The following RBFOX1 variants were observed in gnomAD, a reference collection of about 807,000 sequenced individuals.
RBFOX1 encodes the protein RNA binding fox-1 homolog 1.
In RBFOX1, 8 loss-of-function variants were observed where a neutral mutation model predicts 57.7. The observed-to-expected ratio is 0.14, with a 90% CI of 0.08 to 0.25. The LOEUF (loss-of-function observed/expected upper bound fraction) is 0.25. Among genes scored for constraint, RBFOX1 ranks in the 10% least tolerant of loss-of-function variants. RBFOX1 has a pLI of 1.00. For synonymous variants in RBFOX1, 326 were observed against 222.4 expected (o/e 1.47, Z -4.15); for missense variants, 611 against 548.5 (o/e 1.11, Z -1.14).
chr16:5,706,800 G>T (rs966423861), intron 3 of RBFOX1, among the ~76,000 whole-genome samples: 2 of 152,040 alleles, frequency 1.3e-5, no homozygotes, highest in Admixed American at 6.6e-5. Context: ...TTAATGTTCT[G>T]TGAGAGTGGG....
At chr16:6,155,943 A>G (rs2096835442) in intron 1 of RBFOX1, among the ~76,000 whole-genome samples, 1 of 152,182 alleles carries the variant, frequency 6.6e-6, no homozygotes, top group Non-Finnish European at 1.5e-5. Context: ...CACTCTGATA[A>G]GTGCTTAACC....
chr16:6,966,777 ATC>A (rs1242833315), intron 3 of RBFOX1, among the ~76,000 whole-genome samples: 3 of 24,698 alleles, frequency 1.2e-4, no homozygotes, highest in African/African-American at 2.9e-4. Flanking sequence ...CTATCTATCT[ATC>A]TATCTATCTA....
intron 2 of RBFOX1, among the ~76,000 whole-genome samples, chr16:6,413,197 T>C (rs2093518536): frequency 6.6e-6 from 1 of 151,644 alleles, no homozygotes; most frequent in Non-Finnish European, 1.5e-5. Flanking sequence ...CACATGCCTG[T>C]AATCCCAGAG....
intron 4 of RBFOX1, among the ~76,000 whole-genome samples, chr16:7,064,608 G>T (rs7185545): frequency 0.81 from 123,870 of 151,998 alleles, 51,105 homozygotes; most frequent in African/African-American, 0.94. Context: ...CACCTGAGTC[G>T]CAGACTTCTG....
At chr16:6,050,529 G>T (rs75887625) in intron 1 of RBFOX1, among the ~76,000 whole-genome samples, 27 of 152,200 alleles carry the variant, frequency 1.8e-4, no homozygotes, top group African/African-American at 6.5e-4. Context: ...TTGATCGATT[G>T]TCTCCCTTTT....
intron 3 of RBFOX1, among the ~76,000 whole-genome samples, chr16:5,718,742 A>G (rs548569529): frequency 6.6e-6 from 1 of 152,250 alleles, no homozygotes; most frequent in South Asian, 2.1e-4. Flanking sequence ...TCCCATCTCT[A>G]ATAAAAGCTA....
chr16:6,853,937 C>G (rs954642579), intron 3 of RBFOX1, among the ~76,000 whole-genome samples: 1 of 152,100 alleles, frequency 6.6e-6, no homozygotes, highest in Non-Finnish European at 1.5e-5. Flanking sequence ...TAGTAGCCTG[C>G]ATGTCTAGGT....
chr16:5,465,147 G>T (rs530884622), intron 1 of RBFOX1, among the ~76,000 whole-genome samples: 1 of 152,302 alleles, frequency 6.6e-6, no homozygotes, highest in African/African-American at 2.4e-5. Context: ...ATTTCTCTCA[G>T]TTCTGGAGTC....
intron 3 of RBFOX1, among the ~76,000 whole-genome samples, chr16:6,720,219 C>A (rs974741879): frequency 6.6e-5 from 10 of 152,032 alleles, no homozygotes; most frequent in Admixed American, 5.2e-4. Flanking sequence ...ACCTTGGATA[C>A]TTAATGAAAT....
At position 5,771,955 on chromosome 16, in the gene RBFOX1, C is replaced by G. The variant is rs151071010; in HGVS notation, c.319-95348C>G. On this transcript the variant is annotated intron_variant, in intron 3 of 19. Transcript: ENST00000641259. The stretch of plus-strand genomic sequence containing the variant: ...TTGGGAGGTCGAGGGGGGTGGATCA[C>G]GAGGTCAGGATTTTGAGACCAGCCT... Among the ~76,000 whole-genome samples, 5 of 152,052 alleles carry G rather than the reference C, an allele frequency of 3.3e-5. No homozygotes were observed. In the East Asian group the frequency reaches 5.8e-4, roughly 18 times the overall value.
At position 6,492,847 on chromosome 16, in the gene RBFOX1, G is replaced by C. The variant is rs556180474; in HGVS notation, c.-63-161756G>C. Among the ~76,000 whole-genome samples, 40 of 152,276 alleles carry C rather than the reference G, an allele frequency of 2.6e-4. No homozygotes were observed. In the South Asian group the frequency reaches 7.9e-3, roughly 30 times the overall value. Reference sequence around the variant, plus strand: ...GAGCCCAAAACTCAGAAATCTGTTTGAAAAACTTTGTTAGAAAGCAAACAT... The same window carrying C: ...GAGCCCAAAACTCAGAAATCTGTTTCAAAAACTTTGTTAGAAAGCAAACAT... On this transcript the variant is annotated intron_variant, in intron 2 of 15. Coordinates refer to ENST00000550418, the MANE Select transcript of RBFOX1 (RefSeq NM_018723.4).
chr16:6,858,493 G>T (rs1458417277), intron 3 of RBFOX1, among the ~76,000 whole-genome samples: 1 of 152,128 alleles, frequency 6.6e-6, no homozygotes, highest in African/African-American at 2.4e-5. Context: ...GGCAGAGGTA[G>T]AACATACTCC....
In RBFOX1 at chr16:6,490,274, A is replaced by G. The variant is rs562002581; in HGVS notation, c.-63-164329A>G. ...GAAAAAAAGATCTTGCAAGTACGCA[A>G]TTAAATACATACCAGAATATCCAGA... On this transcript the variant is annotated intron_variant, in intron 2 of 15. Transcript: ENST00000550418. Among the ~76,000 whole-genome samples, 4 of 152,252 alleles carry G rather than the reference A, an allele frequency of 2.6e-5. No homozygotes were observed. The South Asian group carries it at 6.2e-4, about 24-fold the overall frequency.
intron 4 of RBFOX1, among the ~76,000 whole-genome samples, chr16:7,317,862 G>T (rs1164880444): frequency 6.6e-6 from 1 of 152,214 alleles, no homozygotes; most frequent in Non-Finnish European, 1.5e-5. Flanking sequence ...ACATAGCATT[G>T]TTAGGAGTAT....
chr16:6,872,221 C>T lies in RBFOX1; in HGVS notation c.-15-179836C>T, dbSNP rs567231461. Among the ~76,000 whole-genome samples the T allele has an allele frequency of 5.9e-5, 9 of 152,282 alleles. No individual in the cohort carries two copies. The South Asian group carries it at 1.9e-3, about 32-fold the overall frequency. On this transcript the variant is annotated intron_variant, in intron 3 of 15. Transcript: ENST00000550418. ...GCTCAGCACCTAGCATGGAGACCAG[C>T]ACATAGTAGAGATTTAATAATTGTT...
intron 3 of RBFOX1, among the ~76,000 whole-genome samples, chr16:6,788,166 G>C (rs1414126658): frequency 6.6e-6 from 1 of 152,144 alleles, no homozygotes; most frequent in Non-Finnish European, 1.5e-5. Context: ...ATGTTGGAGT[G>C]AGCTGAGATC....
chr16:6,257,930 G>T (rs985755022), intron 1 of RBFOX1, among the ~76,000 whole-genome samples: 2 of 152,066 alleles, frequency 1.3e-5, no homozygotes, highest in African/African-American at 4.8e-5. Flanking sequence ...ATTCCTTTCG[G>T]TATATCCCCA....
intron 2 of RBFOX1, among the ~76,000 whole-genome samples, chr16:5,563,034 C>T (rs2045943051): frequency 6.6e-6 from 1 of 152,174 alleles, no homozygotes; most frequent in South Asian, 2.1e-4. Context: ...ACTGCAACCT[C>T]TGCCTCCCAG....
chr16:5,965,655 C>T (rs1169838581), intron 4 of RBFOX1, among the ~76,000 whole-genome samples: 1 of 152,192 alleles, frequency 6.6e-6, no homozygotes, highest in African/African-American at 2.4e-5. Flanking sequence ...AAAGCAGTAT[C>T]GTGGTTGATA....
Sources: gnomAD v4.1 joint callset for allele counts (sites outside exome capture counted in the v4.1 genomes callset) on GRCh38, gnomAD v4.1.1 for gene constraint, MANE v1.5 for transcripts, NCBI Gene and HGNC (gene_info 2026-07-23, HGNC 2026-07-21) for gene names.